The following OR3A2 variants were observed in gnomAD, a reference collection of about 807,000 sequenced individuals.
OR3A2 encodes olfactory receptor 3A2.
For missense variants in OR3A2, 318 were observed against 392.8 expected, an observed-to-expected ratio of 0.81 and a Z score of 1.61; for synonymous variants, 126 against 159.3, an observed-to-expected ratio of 0.79 and a Z score of 1.57.
At chr17:3,302,278 A>T (rs1032526306) in intron 3 of OR3A2, among the ~76,000 whole-genome samples, 5 of 152,200 alleles carry the variant, frequency 3.3e-5, no homozygotes, top group African/African-American at 1.2e-4. Context: ...AAGAGCGCAC[A>T]TTGCCAAGAC....
Position 3,368,863 on chromosome 17 carries a change from C to A in OR3A2, c.-179+14941G>T, listed in dbSNP as rs147820851. 3.8e-3 allele frequency among the ~76,000 whole-genome samples: 577 copies of A among 152,286 alleles called. 5 individuals are homozygous for A. Among genetic ancestry groups the A allele is most frequent in the African/African-American group, 0.013 (550 of 41,554 alleles). On this transcript the variant is annotated intron_variant, in intron 2 of 4. Coordinates refer to the OR3A2 transcript ENST00000573491. ...TTTCACAATATTGATTCTACCCATT[C>A]ATGAGCATGGGATATGTTTCCGTTT...
At chr17:3,337,707 G>C (rs538728086) in intron 2 of OR3A2, among the ~76,000 whole-genome samples, 19 of 152,174 alleles carry the variant, frequency 1.2e-4, no homozygotes, top group South Asian at 4.2e-4. Context: ...CAAGTCTTTG[G>C]TATTGTGAAT....
chr17:3,363,572 T>C (rs1417668661), intron 2 of OR3A2, among the ~76,000 whole-genome samples: 1 of 151,798 alleles, frequency 6.6e-6, no homozygotes, highest in African/African-American at 2.4e-5. Flanking sequence ...TCTTCCTGTC[T>C]TCTTCTGAGC....
intron 3 of OR3A2, among the ~76,000 whole-genome samples, chr17:3,333,651 TAGAA>T (rs554037004): frequency 0.013 from 1,957 of 152,166 alleles, 31 homozygotes; most frequent in African/African-American, 0.043. Context: ...TTAGGGAAAA[TAGAA>T]AGAACCTGCA....
At chr17:3,381,334 T>A (rs1046002655) in intron 2 of OR3A2, among the ~76,000 whole-genome samples, 74 of 150,572 alleles carry the variant, frequency 4.9e-4, no homozygotes, top group Non-Finnish European at 9.0e-4. Context: ...TTTTTTTTTT[T>A]AAATTCTAGA....
At chr17:3,323,726 A>C (rs1351807063) in intron 3 of OR3A2, among the ~76,000 whole-genome samples, 2 of 152,072 alleles carry the variant, frequency 1.3e-5, no homozygotes, top group African/African-American at 4.8e-5. Flanking sequence ...CTGAGAGATC[A>C]GCTGTTAGTC....
At chr17:3,332,732 T>C (rs2049248272) in intron 3 of OR3A2, among the ~76,000 whole-genome samples, 1 of 152,244 alleles carries the variant, frequency 6.6e-6, no homozygotes. Context: ...TCCCCTCTTA[T>C]GCCTGTCTTT....
chr17:3,321,369 A>C (rs1187494640), intron 3 of OR3A2, among the ~76,000 whole-genome samples: 1 of 152,070 alleles, frequency 6.6e-6, no homozygotes, highest in African/African-American at 2.4e-5. Flanking sequence ...AATATGCTTT[A>C]TTTCTTTCTC....
At chr17:3,295,033 T>C (rs2048908509) in intron 3 of OR3A2, among the ~76,000 whole-genome samples, 1 of 152,146 alleles carries the variant, frequency 6.6e-6, no homozygotes, top group Non-Finnish European at 1.5e-5. Flanking sequence ...CTGCAGTCTA[T>C]AAACTGGTGG....
chr17:3,338,771 T>C (rs1344735994), intron 2 of OR3A2, among the ~76,000 whole-genome samples: 1 of 152,196 alleles, frequency 6.6e-6, no homozygotes, highest in African/African-American at 2.4e-5. Context: ...TTTGGTTCCA[T>C]ATGAACTTTA....
chr17:3,331,966 AC>A (rs1263235181), intron 3 of OR3A2, among the ~76,000 whole-genome samples: 1 of 151,618 alleles, frequency 6.6e-6, no homozygotes, highest in Non-Finnish European at 1.5e-5. Context: ...CTGTTGGAAT[AC>A]CCTGCCGTGT....
At chr17:3,372,794 G>A (rs912110930) in intron 2 of OR3A2, among the ~76,000 whole-genome samples, 7 of 149,748 alleles carry the variant, frequency 4.7e-5, no homozygotes, top group African/African-American at 1.5e-4. Flanking sequence ...GCTTCGGCTC[G>A]GCATCAGAGG....
chr17:3,345,676 A>C (rs2049358180), intron 2 of OR3A2, among the ~76,000 whole-genome samples: 1 of 152,156 alleles, frequency 6.6e-6, no homozygotes, highest in African/African-American at 2.4e-5. Flanking sequence ...AGAGAAAAGA[A>C]AAATTGATGG....
rs185798896 is a variant in OR3A2, at chr17:3,357,982, C to T, written c.-178-21856G>A. On this transcript the variant is annotated intron_variant, in intron 2 of 4. Coordinates refer to the OR3A2 transcript ENST00000573491. ...AGAGTGGGGGTCAGGTTCAGAGAGG[C>T]CACTTAATAACTGAAGCCTCTGGAC... Among the ~76,000 whole-genome samples the T allele has an allele frequency of 1.4e-3, 209 of 151,702 alleles. 1 individual carries two copies. The highest frequency in any genetic ancestry group is 0.01 in the Middle Eastern group (3 of 294).
exon 1 of OR3A2, chr17:3,386,284 T>G: frequency 2.5e-6 from 1 of 398,408 alleles, no homozygotes; most frequent in Non-Finnish European, 4.4e-6. Flanking sequence ...GGCGGCCATG[T>G]CCTACGACCG....
In OR3A2 at chr17:3,353,609, A is replaced by G. The variant is rs141754108; in HGVS notation, c.-178-17483T>C. Among the ~76,000 whole-genome samples the G allele has an allele frequency of 1.7e-3, 265 of 152,050 alleles. 1 individual carries two copies. The highest frequency in any genetic ancestry group is 5.8e-3 in the African/African-American group (240 of 41,540). ...GGATTTTATCAAATGATTTTTCAGCATCAATTGAACTGTTCATATGGCATT... is the reference window on the plus strand; with the variant it reads ...GGATTTTATCAAATGATTTTTCAGCGTCAATTGAACTGTTCATATGGCATT... On this transcript the variant is annotated intron_variant, in intron 2 of 4. Transcript: ENST00000573491.
intron 3 of OR3A2, among the ~76,000 whole-genome samples, chr17:3,292,781 T>G (rs532555631): frequency 1.3e-5 from 2 of 152,180 alleles, no homozygotes; most frequent in African/African-American, 2.4e-5. Flanking sequence ...ATAACTTTAT[T>G]TGCAGGCGTA....
Position 3,279,064 on chromosome 17 carries a change from C to T in OR3A2, c.-6-141G>A, listed in dbSNP as rs2048762199. The T allele has an allele frequency of 4.3e-6, 6 of 1,407,242 alleles. No individual in the cohort carries two copies. The South Asian group carries it at 5.7e-5, about 13-fold the overall frequency. 87.2% of individuals were successfully genotyped at this position (1,407,242 alleles called of 1,614,324 possible). ...CACTCGTTGACCTCCTCCATCACCT[C>T]AATGCCTTTACCTTGCTCTTGGTTG... is the stretch of plus-strand genomic sequence containing the variant. On this transcript the variant is annotated intron_variant, in intron 1 of 1. Coordinates refer to ENST00000642052, the Ensembl canonical transcript of OR3A2.
intron 3 of OR3A2, among the ~76,000 whole-genome samples, chr17:3,308,825 C>T (rs1004814995): frequency 3.9e-5 from 6 of 152,190 alleles, no homozygotes; most frequent in African/African-American, 1.4e-4. Context: ...TCCAACTCCA[C>T]CCCTTCCCTG....
Sources: allele counts gnomAD v4.1 joint callset (sites outside exome capture counted in the v4.1 genomes callset), GRCh38; gene constraint gnomAD v4.1.1; transcripts MANE v1.5; gene names NCBI Gene and HGNC (gene_info 2026-07-23, HGNC 2026-07-21).